Variants in SV2B observed in about 807,000 individuals in gnomAD.
The protein encoded by SV2B is solute carrier family 22 member B2.
In SV2B, 41 loss-of-function variants were observed where a neutral mutation model predicts 73.9. The observed-to-expected ratio is 0.56, with a 90% CI of 0.43 to 0.72. The LOEUF (loss-of-function observed/expected upper bound fraction) is 0.72, where lower values mean the gene tolerates loss of function less well. SV2B is among the 30% of genes least tolerant of loss of function. SV2B has a pLI of 0.00. For synonymous variants in SV2B, 314 were observed against 314.2 expected, an observed-to-expected ratio of 1.00 and a Z score of 0.01; for missense variants, 764 against 857.8, an observed-to-expected ratio of 0.89 and a Z score of 1.37.
rs1300089712 is a variant in SV2B, at chr15:91,290,739, G to A, written c.1868+1059G>A. ...GAGATATAAAAAAAGACACATAAGA[G>A]AAGATAAATATATGCCAACTCAGTG... On this transcript the variant is annotated intron_variant, in intron 12 of 12. Coordinates refer to ENST00000394232, the MANE Select transcript of SV2B (RefSeq NM_001323032.3). The surrounding 1 kb of genome is among the most constrained non-coding windows in gnomAD (Gnocchi z 4.7). Among the ~76,000 whole-genome samples the A allele has an allele frequency of 6.6e-6, 1 of 152,160 alleles. No individual in the cohort carries two copies. Among genetic ancestry groups the A allele is most frequent in the Non-Finnish European group, 1.5e-5 (1 of 68,022 alleles).
Position 91,252,490 on chromosome 15 carries a change from G to A in SV2B, c.754G>A (p.Ala252Thr). The change falls in exon 4 of 13, where the codon GCC (alanine) becomes ACC (threonine). Residue 252 changes from alanine (A) to threonine (T), a missense_variant. Coordinates refer to ENST00000394232, the MANE Select transcript of SV2B (RefSeq NM_001323032.3). The surrounding 1 kb of genome is among the most constrained non-coding windows in gnomAD (Gnocchi z 4.6). ...FWMTGGLYAS[A>T]MAWSIIPHYG... ...GATGACTGGGGGCCTGTACGCATCT[G>A]CCATGGCCTGGAGCATCATCCCACA... 6.2e-7 allele frequency: 1 copy of A among 1,612,630 alleles called. No homozygotes were observed. The highest frequency in any genetic ancestry group is 1.1e-5 in the South Asian group (1 of 90,876).
chr15:91,153,682 G>C (rs2043389369), intron 1 of SV2B, among the ~76,000 whole-genome samples: 1 of 152,074 alleles, frequency 6.6e-6, no homozygotes. Flanking sequence ...GTCACATCTG[G>C]GTCACAAAGG....
At chr15:91,116,384 C>T (rs964727696) in intron 1 of SV2B, among the ~76,000 whole-genome samples, 5 of 152,056 alleles carry the variant, frequency 3.3e-5, no homozygotes, top group Non-Finnish European at 7.4e-5. Context: ...GCTATTGTCA[C>T]GTTATTTGTA....
At position 91,108,419 on chromosome 15, in the gene SV2B, C is replaced by T. The variant is rs193136373; in HGVS notation, c.-392+8056C>T. On this transcript the variant is annotated intron_variant, in intron 1 of 12. Coordinates refer to ENST00000394232, the MANE Select transcript of SV2B (RefSeq NM_001323032.3). Reference sequence around the variant, plus strand: ...GTAGTATATAGATGCAGAAGCTTTCCTGTCTGATGCCTTTGTGGCTCCCAC... The same window carrying T: ...GTAGTATATAGATGCAGAAGCTTTCTTGTCTGATGCCTTTGTGGCTCCCAC... Among the ~76,000 whole-genome samples, 16 of 152,330 alleles carry T rather than the reference C, an allele frequency of 1.1e-4. No individual in the cohort carries two copies. The East Asian group carries it at 1.9e-3, about 18-fold the overall frequency.
At chr15:91,187,749 C>A (rs147628667) in intron 1 of SV2B, among the ~76,000 whole-genome samples, 125 of 151,700 alleles carry the variant, frequency 8.2e-4, no homozygotes, top group African/African-American at 3.0e-3. Context: ...TGAGTTAAAT[C>A]ATAATTAACT....
At chr15:91,180,254 G>A (rs959234347) in intron 1 of SV2B, among the ~76,000 whole-genome samples, 5 of 152,104 alleles carry the variant, frequency 3.3e-5, no homozygotes, top group Non-Finnish European at 5.9e-5. Flanking sequence ...AGTTTCTGCC[G>A]AGAGATCAGC....
chr15:91,226,440 C>T lies in SV2B; in HGVS notation c.177C>T (p.Val59=). The T allele has an allele frequency of 6.2e-7, 1 of 1,614,182 alleles. No homozygotes were observed. Among genetic ancestry groups the T allele is most frequent in the South Asian group, 1.1e-5 (1 of 91,080 alleles). The change falls in exon 2 of 13, where the codon GTC becomes GTT. Residue 59 remains valine, a synonymous_variant. Coordinates refer to ENST00000394232, the MANE Select transcript of SV2B (RefSeq NM_001323032.3). ...EYQGIPHPDD[V]KAKQAKMAPS... Reference sequence around the variant, plus strand: ...AGGGTATCCCTCACCCAGATGATGTCAAGGCCAAGCAGGCCAAGATGGCGC... The same window carrying T: ...AGGGTATCCCTCACCCAGATGATGTTAAGGCCAAGCAGGCCAAGATGGCGC...
intron 2 of SV2B, among the ~76,000 whole-genome samples, chr15:91,228,408 A>C (rs916674245): frequency 6.6e-6 from 1 of 152,306 alleles, no homozygotes; most frequent in Admixed American, 6.5e-5. Context: ...CAACCAACAA[A>C]CAACCAACAA....
intron 1 of SV2B, among the ~76,000 whole-genome samples, chr15:91,175,039 C>A (rs535411894): frequency 6.9e-4 from 105 of 152,286 alleles, no homozygotes; most frequent in Admixed American, 1.7e-3. Context: ...TATGGGAGCA[C>A]ATCTCAGACA....
chr15:91,220,920 G>A lies in SV2B; in HGVS notation c.-391-4953G>A, dbSNP rs1596612813. Among the ~76,000 whole-genome samples the A allele has an allele frequency of 6.6e-6, 1 of 151,194 alleles. No individual in the cohort carries two copies. Among genetic ancestry groups the A allele is most frequent in the African/African-American group, 2.5e-5 (1 of 40,514 alleles). ...TCTCTTTCACCCAGGCTGGAGGGCA[G>A]TGACATGATCTTGGCTCACTGCAAC... On this transcript the variant is annotated intron_variant, in intron 1 of 12. Transcript: ENST00000394232. This position sits in a 1 kb window ranked among gnomAD's most constrained non-coding sequence, Gnocchi z 4.1.
In SV2B at chr15:91,137,616, AT is replaced by A. The variant is rs1272016737; in HGVS notation, c.-392+37256del. ...ATATATATATATATTTCATATATAT[AT>A]TTCATATATACATATATTTCATATA... is the stretch of plus-strand genomic sequence containing the variant. On this transcript the variant is annotated intron_variant, in intron 1 of 12. Transcript: ENST00000394232. This position sits in a 1 kb window ranked among gnomAD's most constrained non-coding sequence, Gnocchi z 4.9. Among the ~76,000 whole-genome samples the A allele has an allele frequency of 3.3e-5, 4 of 122,932 alleles. No individual in the cohort carries two copies. The highest frequency in any genetic ancestry group is 3.1e-4 in the Admixed American group (4 of 12,840). The allele number at this position is 122,932 out of a possible 152,430, so 80.6% of individuals were successfully genotyped here.
intron 1 of SV2B, among the ~76,000 whole-genome samples, chr15:91,193,310 G>A (rs929890372): frequency 6.6e-5 from 10 of 152,194 alleles, no homozygotes; most frequent in African/African-American, 2.4e-4. Flanking sequence ...GTTGAAAAAT[G>A]TACCTGTTGG....
At chr15:91,262,669 G>A (rs767380202) in intron 6 of SV2B, among the ~76,000 whole-genome samples, 1 of 151,874 alleles carries the variant, frequency 6.6e-6, no homozygotes, top group African/African-American at 2.4e-5. Context: ...GTGTTCACAA[G>A]TTCTCATCAT....
chr15:91,119,876 C>T (rs989058290), intron 1 of SV2B, among the ~76,000 whole-genome samples: 1 of 152,028 alleles, frequency 6.6e-6, no homozygotes, highest in Non-Finnish European at 1.5e-5. Flanking sequence ...TTGTATGTCC[C>T]CTTCTAAACA....
rs1277847910 is a variant in SV2B at position 91,130,030 on chromosome 15, G to C, written c.-392+29667G>C. Among the ~76,000 whole-genome samples, 1 of 152,234 alleles carries C rather than the reference G, an allele frequency of 6.6e-6. No individual in the cohort carries two copies. The highest frequency in any genetic ancestry group is 2.4e-5 in the African/African-American group (1 of 41,460). On this transcript the variant is annotated intron_variant, in intron 1 of 12. Coordinates refer to ENST00000394232, the MANE Select transcript of SV2B (RefSeq NM_001323032.3). The surrounding 1 kb of genome is among the most constrained non-coding windows in gnomAD (Gnocchi z 5.6). ...TAGGGGTGGATAAATTGGGAAGAGA[G>C]GGACGACAGGCCTGGGGCCACGTGG...
intron 1 of SV2B, among the ~76,000 whole-genome samples, chr15:91,205,384 TA>T (rs1555483572): frequency 2.0e-5 from 3 of 149,728 alleles, no homozygotes; most frequent in African/African-American, 2.5e-5. Context: ...TTTTTTTTTT[TA>T]AACACAGGGT....
At chr15:91,270,526 C>T (rs2048257445) in intron 9 of SV2B, among the ~76,000 whole-genome samples, 1 of 152,216 alleles carries the variant, frequency 6.6e-6, no homozygotes, top group South Asian at 2.1e-4. Flanking sequence ...AATATTTTCT[C>T]ATTGGGAAAC....
intron 12 of SV2B, 31 bp from the exon 13 acceptor site, chr15:91,292,338 T>C: frequency 6.2e-7 from 1 of 1,603,810 alleles, no homozygotes; most frequent in Non-Finnish European, 8.5e-7. Flanking sequence ...TGGTTCAGAA[T>C]GTCAGAATTA....
At chr15:91,174,931 T>A (rs568708951) in intron 1 of SV2B, among the ~76,000 whole-genome samples, 2 of 152,222 alleles carry the variant, frequency 1.3e-5, no homozygotes, top group South Asian at 4.1e-4. Context: ...ATTCTGAGGG[T>A]CATAGAAGAG....
Sources: allele counts gnomAD v4.1 joint callset (sites outside exome capture counted in the v4.1 genomes callset), GRCh38; gene constraint gnomAD v4.1.1; non-coding constraint Gnocchi (gnomAD v3.1); transcripts MANE v1.5; gene names NCBI Gene and HGNC (gene_info 2026-07-23, HGNC 2026-07-21).